Variants in CAMK2D observed in about 807,000 individuals in gnomAD.
CAMK2D encodes calcium/calmodulin dependent protein kinase II delta.
Under a neutral mutation model 84.0 loss-of-function variants are expected in CAMK2D, and 37 were observed. The ratio of observed to expected loss-of-function variants is 0.44; its 90% CI spans 0.34 to 0.58. The LOEUF (loss-of-function observed/expected upper bound fraction) is 0.58. Among genes scored for constraint, CAMK2D ranks in the 20% least tolerant of loss-of-function variants. The pLI is 0.02. For synonymous variants in CAMK2D, 202 were observed against 212.5 expected, an observed-to-expected ratio of 0.95 and a Z score of 0.43; for missense variants, 448 against 652.5, an observed-to-expected ratio of 0.69 and a Z score of 3.41.
At chr4:113,746,646 G>C (rs1030326279) in intron 2 of CAMK2D, among the ~76,000 whole-genome samples, 1 of 151,898 alleles carries the variant, frequency 6.6e-6, no homozygotes, top group Non-Finnish European at 1.5e-5. Context: ...GTCAACCCAA[G>C]GAAATTTTTC....
intron 7 of CAMK2D, among the ~76,000 whole-genome samples, chr4:113,534,110 T>TAAAC (rs1039243855): frequency 1.7e-4 from 26 of 152,192 alleles, no homozygotes; most frequent in African/African-American, 5.8e-4. Flanking sequence ...TTTTCCTCCA[T>TAAAC]AAACACTGAT....
intron 9 of CAMK2D, 151 bp downstream of exon 9, chr4:113,517,412 G>T: frequency 2.3e-6 from 1 of 428,898 alleles, no homozygotes; most frequent in Non-Finnish European, 4.2e-6. Flanking sequence ...TACAAATGCT[G>T]CATTTCTTTC....
intron 16 of CAMK2D, among the ~76,000 whole-genome samples, chr4:113,469,869 T>C (rs982028171): frequency 1.1e-4 from 17 of 152,156 alleles, no homozygotes; most frequent in Admixed American, 1.0e-3. Context: ...TCTTTTTGAC[T>C]TTTTTTCCTC....
At chr4:113,665,743 T>A (rs993626211) in intron 2 of CAMK2D, among the ~76,000 whole-genome samples, 2 of 152,214 alleles carry the variant, frequency 1.3e-5, no homozygotes, top group African/African-American at 4.8e-5. Context: ...GTCCATACTC[T>A]TATATGAATC....
chr4:113,603,745 T>C (rs984536874), intron 4 of CAMK2D, among the ~76,000 whole-genome samples: 3 of 143,878 alleles, frequency 2.1e-5, no homozygotes, highest in African/African-American at 7.6e-5. Context: ...TTTCTTTATA[T>C]ATATCTTTCT....
chr4:113,469,603 G>A (rs2097523208), intron 16 of CAMK2D, among the ~76,000 whole-genome samples: 1 of 152,094 alleles, frequency 6.6e-6, no homozygotes, highest in Non-Finnish European at 1.5e-5. Context: ...TCTTCCTTCA[G>A]ATCTATGTGT....
At chr4:113,496,062 C>T (rs2097924072) in intron 16 of CAMK2D, among the ~76,000 whole-genome samples, 1 of 152,168 alleles carries the variant, frequency 6.6e-6, no homozygotes, top group Non-Finnish European at 1.5e-5. Context: ...CATACAGCGA[C>T]AGGTCCTGCA....
chr4:113,455,875 A>G, intron 19 of CAMK2D, 54 bp from the exon 20 acceptor site: 2 of 1,045,934 alleles, frequency 1.9e-6, no homozygotes, highest in Non-Finnish European at 3.0e-6. Context: ...GTTTTCTTGA[A>G]TAGGCTTCAT....
intron 2 of CAMK2D, among the ~76,000 whole-genome samples, chr4:113,734,928 C>T (rs1419445947): frequency 6.7e-6 from 1 of 149,460 alleles, no homozygotes; most frequent in Non-Finnish European, 1.5e-5. Flanking sequence ...AAAAATCAAC[C>T]CAAATGATCT....
chr4:113,637,954 C>G (rs2099116526), intron 3 of CAMK2D, among the ~76,000 whole-genome samples: 1 of 152,148 alleles, frequency 6.6e-6, no homozygotes, highest in African/African-American at 2.4e-5. Flanking sequence ...AGAATAGCAG[C>G]CTTGTCCAAG....
chr4:113,651,917 C>A (rs1445320061), intron 3 of CAMK2D, among the ~76,000 whole-genome samples: 1 of 151,998 alleles, frequency 6.6e-6, no homozygotes, highest in African/African-American at 2.4e-5. Flanking sequence ...TTCTATAATA[C>A]CTATATTTTC....
intron 2 of CAMK2D, among the ~76,000 whole-genome samples, chr4:113,728,401 A>C (rs1352086110): frequency 1.3e-5 from 2 of 152,174 alleles, no homozygotes; most frequent in South Asian, 2.1e-4. Context: ...AGTCCAAGAA[A>C]AGGCAAAACT....
chr4:113,579,627 A>G (rs1292458429), intron 4 of CAMK2D, among the ~76,000 whole-genome samples: 1 of 152,026 alleles, frequency 6.6e-6, no homozygotes, highest in Non-Finnish European at 1.5e-5. Context: ...TTCACCTTCC[A>G]CTATGATTGG....
At chr4:113,709,853 T>C (rs2099486396) in intron 2 of CAMK2D, among the ~76,000 whole-genome samples, 1 of 144,326 alleles carries the variant, frequency 6.9e-6, no homozygotes, top group East Asian at 2.0e-4. Flanking sequence ...CTCCCTTTTA[T>C]GAGCAAAAGC....
At chr4:113,674,291 A>T (rs907671571) in intron 2 of CAMK2D, among the ~76,000 whole-genome samples, 6 of 152,166 alleles carry the variant, frequency 3.9e-5, no homozygotes, top group African/African-American at 1.4e-4. Context: ...AATTCCCCAG[A>T]CTGAGCAGAG....
At chr4:113,534,023 T>C (rs1330466482) in intron 7 of CAMK2D, among the ~76,000 whole-genome samples, 1 of 152,086 alleles carries the variant, frequency 6.6e-6, no homozygotes, top group Admixed American at 6.6e-5. Flanking sequence ...AATAAAATTA[T>C]GTAAAAGCCT....
At position 113,457,453 on chromosome 4, in the gene CAMK2D, C is replaced by T; in HGVS notation, c.1417G>A (p.Asp473Asn). Residue 473 changes from aspartate to asparagine, a missense_variant, in exon 19 of 21, where the codon GAT becomes AAT. Coordinates refer to ENST00000511664, the MANE Select transcript of CAMK2D (RefSeq NM_001321571.2). ...IAYIRLTQYMDGSGMPKTMQS... is the reference protein window; with the variant it reads ...IAYIRLTQYMNGSGMPKTMQS... The stretch of plus-strand genomic sequence containing the variant: ...ATTGTCTTTGGCATTCCACTGCCAT[C>T]CATGTACTGTGTGAGCCTAATATAT... The T allele has an allele frequency of 6.2e-7, 1 of 1,613,862 alleles. No homozygotes were observed. Among genetic ancestry groups the T allele is most frequent in the Non-Finnish European group, 8.5e-7 (1 of 1,179,776 alleles).
At chr4:113,659,667 A>G (rs1054929565) in intron 3 of CAMK2D, among the ~76,000 whole-genome samples, 2 of 152,254 alleles carry the variant, frequency 1.3e-5, no homozygotes, top group Non-Finnish European at 2.9e-5. Context: ...TCTGGCTTCC[A>G]GAGCTATGAG....
intron 16 of CAMK2D, among the ~76,000 whole-genome samples, chr4:113,494,424 T>TG (rs918377344): frequency 1.3e-5 from 2 of 152,198 alleles, no homozygotes; most frequent in East Asian, 1.9e-4. Context: ...GTGCCCCTGC[T>TG]GGGGGGTGCC....
Sources: gnomAD v4.1 joint callset for allele counts (sites outside exome capture counted in the v4.1 genomes callset) on GRCh38, gnomAD v4.1.1 for gene constraint, MANE v1.5 for transcripts, NCBI Gene and HGNC (gene_info 2026-07-23, HGNC 2026-07-21) for gene names.